The following C2orf76 variants were observed in gnomAD, a reference collection of about 807,000 sequenced individuals.
C2orf76 encodes chromosome 2 open reading frame 76, also known as UPF0538 protein C2orf76.
A neutral mutation model predicts 16.9 loss-of-function variants in C2orf76; 23 were observed. The ratio of observed to expected loss-of-function variants is 1.36; its 90% CI spans 0.98 to 1.93. The LOEUF is 1.93. C2orf76 is among the 30% of genes most tolerant of loss of function. C2orf76 has a pLI of 0.00. For missense variants in C2orf76, 152 were observed against 152.6 expected, an observed-to-expected ratio of 1.00 and a Z score of 0.02; for synonymous variants, 48 against 52.3, an observed-to-expected ratio of 0.92 and a Z score of 0.35.
chr2:119,296,715 A>G, the C2orf76 span, among the ~76,000 whole-genome samples: 1 of 152,248 alleles, frequency 6.6e-6, no homozygotes, highest in Non-Finnish European at 1.5e-5. Context: ...TTGCTACGGC[A>G]AAGAAGTTCC....
At chr2:119,353,123 C>T (rs1680456937) in intron 1 of C2orf76, among the ~76,000 whole-genome samples, 1 of 151,700 alleles carries the variant, frequency 6.6e-6, no homozygotes, top group Admixed American at 6.6e-5. Context: ...GTAAATAATC[C>T]TTAAGTACAA....
At chr2:119,291,466 T>G in the C2orf76 span, among the ~76,000 whole-genome samples, 1 of 151,728 alleles carries the variant, frequency 6.6e-6, no homozygotes. Flanking sequence ...TACTCCTAAT[T>G]GGGGAAAATT....
chr2:119,334,520 G>A (rs541642447), intron 2 of C2orf76, among the ~76,000 whole-genome samples: 55 of 151,192 alleles, frequency 3.6e-4, no homozygotes, highest in African/African-American at 1.2e-3. Flanking sequence ...GCAAAACCCC[G>A]TCTCTACTAA....
chr2:119,351,813 A>C (rs6542526), intron 1 of C2orf76, among the ~76,000 whole-genome samples: 41,990 of 151,982 alleles, frequency 0.28, 5,966 homozygotes, highest in East Asian at 0.31. Context: ...GAATGTATTG[A>C]GTGACTCAAA....
intron 5 of C2orf76, among the ~76,000 whole-genome samples, chr2:119,309,390 CTCTT>C (rs1678905770): frequency 1.6e-5 from 2 of 126,556 alleles, no homozygotes; most frequent in Non-Finnish European, 3.4e-5. Context: ...TTCTTTTTTT[CTCTT>C]TTTCTTTTTT....
intron 4 of C2orf76, among the ~76,000 whole-genome samples, chr2:119,314,014 G>GTTTTTTTTTTTTTT (rs368623211): frequency 2.3e-5 from 2 of 86,166 alleles, no homozygotes; most frequent in Admixed American, 1.4e-4. Flanking sequence ...TTTCTCAGTG[G>GTTTTTTTTTTTTTT]TTTTTTTTTT....
chr2:119,295,455 A>G, the C2orf76 span, among the ~76,000 whole-genome samples: 3 of 152,146 alleles, frequency 2.0e-5, no homozygotes, highest in Non-Finnish European at 4.4e-5. Flanking sequence ...TGAAGATGAC[A>G]GCTCCCGATC....
the C2orf76 span, among the ~76,000 whole-genome samples, chr2:119,285,687 G>C: frequency 6.6e-6 from 1 of 152,208 alleles, no homozygotes; most frequent in Non-Finnish European, 1.5e-5. Context: ...CAAGCAATTT[G>C]GGCAGAGGCT....
At chr2:119,366,947 G>A, upstream of C2orf76, 1 of 1,441,946 alleles carries the variant, frequency 6.9e-7, no homozygotes, top group Non-Finnish European at 9.7e-7. Flanking sequence ...GGGTTGGGGC[G>A]AGTGGACCGC....
At chr2:119,351,747 G>A (rs538705007) in intron 1 of C2orf76, among the ~76,000 whole-genome samples, 94 of 151,946 alleles carry the variant, frequency 6.2e-4, no homozygotes, top group South Asian at 1.5e-3. Flanking sequence ...GCAACAGAGC[G>A]AGATCCTGTC....
chr2:119,299,287 A>T (rs1261981621), downstream of C2orf76, among the ~76,000 whole-genome samples: 2 of 152,184 alleles, frequency 1.3e-5, no homozygotes, highest in Non-Finnish European at 2.9e-5. Context: ...CTATGAGCAA[A>T]CTTCATCAAG....
At position 119,326,469 on chromosome 2, in the gene C2orf76, T is replaced by C. The variant is rs929381380; in HGVS notation, c.134-5265A>G. Among the ~76,000 whole-genome samples, 5 of 152,228 alleles carry C rather than the reference T, an allele frequency of 3.3e-5. No individual in the cohort carries two copies. The East Asian group carries it at 5.8e-4, about 18-fold the overall frequency. On this transcript the variant is annotated intron_variant, in intron 2 of 5. Transcript: ENST00000334816. ...GCAGTACTTGATTACTATAGTTTTA[T>C]AGCAGTAAGTCATGAAATAAGGTAG...
chr2:119,315,335 G>C (rs1250807778), intron 4 of C2orf76, among the ~76,000 whole-genome samples: 1 of 152,060 alleles, frequency 6.6e-6, no homozygotes, highest in Admixed American at 6.6e-5. Context: ...GGGAAATGGG[G>C]AAAATGCCTT....
chr2:119,317,098 T>G (rs1048086667), intron 4 of C2orf76, among the ~76,000 whole-genome samples: 2 of 152,208 alleles, frequency 1.3e-5, no homozygotes, highest in Non-Finnish European at 2.9e-5. Context: ...CTGGCCCTTT[T>G]GTTCTGGTAC....
chr2:119,329,361 T>C (rs887288185), intron 2 of C2orf76, among the ~76,000 whole-genome samples: 1 of 152,206 alleles, frequency 6.6e-6, no homozygotes, highest in South Asian at 2.1e-4. Flanking sequence ...CATATCAGCA[T>C]GGTATAACTT....
At chr2:119,281,719 T>C in the C2orf76 span, among the ~76,000 whole-genome samples, 5 of 151,988 alleles carry the variant, frequency 3.3e-5, no homozygotes, top group Non-Finnish European at 7.4e-5. Flanking sequence ...AAAAACAAAA[T>C]AATATGATTA....
chr2:119,281,332 T>C, the C2orf76 span, among the ~76,000 whole-genome samples: 1 of 152,136 alleles, frequency 6.6e-6, no homozygotes, highest in Non-Finnish European at 1.5e-5. Context: ...TGTCCACGTG[T>C]TCTCATCATT....
At chr2:119,335,091 G>T (rs1679805145) in intron 2 of C2orf76, among the ~76,000 whole-genome samples, 1 of 152,168 alleles carries the variant, frequency 6.6e-6, no homozygotes, top group Admixed American at 6.5e-5. Flanking sequence ...ATCAGAGATG[G>T]AAAGATCAGT....
At chr2:119,311,049 C>T (rs1678968744) in intron 5 of C2orf76, 1 of 574,094 alleles carries the variant, frequency 1.7e-6, no homozygotes, top group Non-Finnish European at 2.2e-6. Context: ...CGTAGAATAA[C>T]AGTGACATCT....
Sources: allele counts gnomAD v4.1 joint callset (sites outside exome capture counted in the v4.1 genomes callset), GRCh38; gene constraint gnomAD v4.1.1; transcripts MANE v1.5; gene names NCBI Gene and HGNC (gene_info 2026-07-23, HGNC 2026-07-21).